SBF2: variants seen among roughly 807,000 people sequenced by gnomAD.
SBF2 encodes myotubularin-related protein 13.
A neutral mutation model predicts 225.2 loss-of-function variants in SBF2; 112 were observed. The ratio of observed to expected loss-of-function variants is 0.50; its 90% confidence interval spans 0.43 to 0.58. The LOEUF is 0.58. Among genes scored for constraint, SBF2 ranks in the 20% least tolerant of loss-of-function variants. SBF2 has a pLI of 0.00. For missense variants in SBF2, 1,996 were observed against 2,206.2 expected (o/e 0.90, Z 1.91); for synonymous variants, 763 against 773.3 (o/e 0.99, Z 0.22).
At chr11:9,892,577 T>C (rs538887501) in intron 17 of SBF2, among the ~76,000 whole-genome samples, 1 of 151,110 alleles carries the variant, frequency 6.6e-6, no homozygotes, top group South Asian at 2.1e-4. Flanking sequence ...TTTTTTTTTT[T>C]AGACGGAGTT....
chr11:10,026,692 T>A (rs991609892), intron 6 of SBF2, among the ~76,000 whole-genome samples: 1 of 152,134 alleles, frequency 6.6e-6, no homozygotes, highest in African/African-American at 2.4e-5. Flanking sequence ...TAAGCTGTGT[T>A]CATGCCACTG....
At chr11:10,221,986 GAC>G (rs1958356055) in intron 1 of SBF2, among the ~76,000 whole-genome samples, 1 of 152,208 alleles carries the variant, frequency 6.6e-6, no homozygotes, top group Non-Finnish European at 1.5e-5. Context: ...GAAAGGTAGA[GAC>G]ACAAAATCTA....
intron 2 of SBF2, among the ~76,000 whole-genome samples, chr11:10,152,365 A>G (rs1955243016): frequency 8.6e-6 from 1 of 116,374 alleles, no homozygotes; most frequent in Non-Finnish European, 2.1e-5. Flanking sequence ...AGCCTGACCA[A>G]CATGGAGAAA....
At chr11:9,836,146 T>C (rs925613150) in intron 26 of SBF2, among the ~76,000 whole-genome samples, 12 of 152,160 alleles carry the variant, frequency 7.9e-5, no homozygotes, top group African/African-American at 4.8e-5. Context: ...ATTTTTTACT[T>C]TATAGATAAT....
chr11:10,138,411 G>C (rs951096494), intron 2 of SBF2, among the ~76,000 whole-genome samples: 2 of 152,054 alleles, frequency 1.3e-5, no homozygotes, highest in Non-Finnish European at 2.9e-5. Flanking sequence ...CCCTCAAAGA[G>C]CCAACTGTGT....
intron 13 of SBF2, among the ~76,000 whole-genome samples, chr11:9,980,628 C>T (rs999013738): frequency 2.2e-4 from 34 of 151,962 alleles, no homozygotes; most frequent in Admixed American, 3.9e-4. Context: ...ACTCTGTTGC[C>T]CAGGCTGGAG....
chr11:9,829,671 GC>G (rs1297454285), intron 27 of SBF2, 175 bp from the exon 28 acceptor site: 1 of 606,254 alleles, frequency 1.6e-6, no homozygotes, highest in Non-Finnish European at 2.9e-6. Flanking sequence ...CTATTAAATG[GC>G]TAATCCTCCA....
At position 9,887,720 on chromosome 11, in the gene SBF2, GCTGA is replaced by G. The variant is rs552015007; in HGVS notation, c.1929+8219_1929+8222del. Among the ~76,000 whole-genome samples the G allele has an allele frequency of 1.1e-3, 174 of 151,950 alleles. 1 individual carries two copies. Among genetic ancestry groups the G allele is most frequent in the Middle Eastern group, 3.4e-3 (1 of 292 alleles). On this transcript the variant is annotated intron_variant, in intron 17 of 39. Coordinates refer to ENST00000256190, the MANE Select transcript of SBF2 (RefSeq NM_030962.4). ...TGTCTTCACTCTCAAACATTTTTCT[GCTGA>G]CTAATTTATTTTTAAGATTAATATT...
At chr11:10,177,770 A>G (rs1340551638) in intron 2 of SBF2, among the ~76,000 whole-genome samples, 1 of 150,876 alleles carries the variant, frequency 6.6e-6, no homozygotes, top group Admixed American at 6.6e-5. Context: ...ATACTGCCCA[A>G]GGTAATTTAC....
chr11:10,155,235 G>C (rs928642909), intron 2 of SBF2, among the ~76,000 whole-genome samples: 2 of 151,960 alleles, frequency 1.3e-5, no homozygotes, highest in African/African-American at 4.8e-5. Context: ...TACACTGGTT[G>C]CATTTAGTCC....
chr11:9,842,569 C>A, intron 25 of SBF2, 56 bp downstream of exon 25: 6 of 1,573,248 alleles, frequency 3.8e-6, no homozygotes, highest in Non-Finnish European at 4.4e-6. Flanking sequence ...ATCTGAGTCT[C>A]TTATTCATAT....
In SBF2 at chr11:9,947,737, A is replaced by G. The variant is rs1865645076; in HGVS notation, c.1860+14220T>C. 1.3e-5 allele frequency among the ~76,000 whole-genome samples: 2 copies of G among 152,098 alleles called. 1 individual carries two copies. The highest frequency in any genetic ancestry group is 4.8e-5 in the African/African-American group (2 of 41,404). ...TAGGGAGATGCAAATCAAAACCACA[A>G]TGTGATATCCGGTTCACATACATTA... is the stretch of plus-strand genomic sequence containing the variant. On this transcript the variant is annotated intron_variant, in intron 16 of 39. Coordinates refer to ENST00000256190, the MANE Select transcript of SBF2 (RefSeq NM_030962.4).
intron 22 of SBF2, among the ~76,000 whole-genome samples, chr11:9,848,505 T>TTC (rs2133978096): frequency 6.6e-6 from 1 of 152,166 alleles, no homozygotes; most frequent in Non-Finnish European, 1.5e-5. Context: ...TTACAGCAAT[T>TTC]TAAATGACCA....
chr11:10,088,448 G>C (rs561678809), intron 2 of SBF2, among the ~76,000 whole-genome samples: 12 of 152,230 alleles, frequency 7.9e-5, no homozygotes, highest in African/African-American at 2.6e-4. Context: ...AACACCTGAG[G>C]GTAGGCAATT....
intron 13 of SBF2, among the ~76,000 whole-genome samples, chr11:9,978,940 A>C (rs2134424403): frequency 6.6e-6 from 1 of 152,328 alleles, no homozygotes; most frequent in Admixed American, 6.5e-5. Flanking sequence ...TCGAGGCTGC[A>C]GTAAGCCGAG....
intron 7 of SBF2, among the ~76,000 whole-genome samples, chr11:10,001,299 G>C (rs569055229): frequency 2.6e-5 from 4 of 152,092 alleles, no homozygotes; most frequent in African/African-American, 9.6e-5. Flanking sequence ...TTCTAGTACT[G>C]TTTGAAAGCA....
At chr11:9,828,839 G>A (rs1244563551) in intron 28 of SBF2, among the ~76,000 whole-genome samples, 1 of 152,022 alleles carries the variant, frequency 6.6e-6, no homozygotes, top group African/African-American at 2.4e-5. Flanking sequence ...GATAAATATG[G>A]GAATAAAGGG....
At chr11:10,289,296 G>C (rs1191357808) in intron 1 of SBF2, among the ~76,000 whole-genome samples, 2 of 152,302 alleles carry the variant, frequency 1.3e-5, no homozygotes, top group East Asian at 3.9e-4. Context: ...CAGCTGTGTG[G>C]GGTGGGGGGG....
rs1339093550 is a variant in SBF2, at chr11:10,099,343, A to T, written c.142-56362T>A. ...GGGCTGAAAAAAACCATGTGAACCA[A>T]GAATACTATAACTAGCAAAAATGTT... On this transcript the variant is annotated intron_variant, in intron 2 of 39. Coordinates refer to ENST00000256190, the MANE Select transcript of SBF2 (RefSeq NM_030962.4). 2.0e-5 allele frequency among the ~76,000 whole-genome samples: 3 copies of T among 152,230 alleles called. 1 individual carries two copies. The South Asian group carries it at 6.2e-4, about 31-fold the overall frequency.
Sources: allele counts gnomAD v4.1 joint callset (sites outside exome capture counted in the v4.1 genomes callset), GRCh38; gene constraint gnomAD v4.1.1; transcripts MANE v1.5; gene names NCBI Gene and HGNC (gene_info 2026-07-23, HGNC 2026-07-21).